Variants in SPTAN1 observed in about 807,000 individuals in gnomAD.
SPTAN1 encodes the protein spectrin alpha chain, non-erythrocytic 1.
In SPTAN1, 61 loss-of-function variants were observed where a neutral mutation model predicts 331.3. The observed-to-expected ratio is 0.18, with a 90% CI of 0.15 to 0.23. SPTAN1 has a LOEUF of 0.23. SPTAN1 is among the 10% of genes least tolerant of loss of function. SPTAN1 has a pLI of 1.00. For missense variants in SPTAN1, 2,043 were observed against 3,147.9 expected (o/e 0.65, Z 8.40); for synonymous variants, 1,153 against 1,173.9 (o/e 0.98, Z 0.36).
At chr9:128,588,152 C>T (rs531469849) in intron 20 of SPTAN1, among the ~76,000 whole-genome samples, 78 of 151,820 alleles carry the variant, frequency 5.1e-4, no homozygotes, top group Non-Finnish European at 9.7e-4. Context: ...CGCCCGCCAC[C>T]ACGCCCAGCT....
In SPTAN1 at chr9:128,625,628, T is replaced by A. The variant is rs537916469; in HGVS notation, c.6070-141T>A. On this transcript the variant is annotated intron_variant, in intron 47 of 56. Transcript: ENST00000372739. The surrounding 1 kb of genome is among the most constrained non-coding windows in gnomAD (Gnocchi z 4.1). Reference sequence around the variant, plus strand: ...CTGAAGGAGAGCAGGAAAGGGGGCATGTGTGACTGAGTCTCAGCAGTGTCC... The same window carrying A: ...CTGAAGGAGAGCAGGAAAGGGGGCAAGTGTGACTGAGTCTCAGCAGTGTCC... 678 of 798,858 alleles carry A rather than the reference T, an allele frequency of 8.5e-4. 9 individuals carry two copies. In the South Asian group the frequency reaches 9.1e-3, roughly 11 times the overall value. The allele number at this position is 798,858 out of a possible 1,614,324, so 49.5% of individuals were successfully genotyped here. A position where few individuals can be genotyped will look rare whatever the true frequency, so the allele number is the denominator to read the frequency against.
At chr9:128,587,811 C>A in intron 20 of SPTAN1, 113 bp downstream of exon 20, 1 of 790,858 alleles carries the variant, frequency 1.3e-6, no homozygotes, top group Non-Finnish European at 2.2e-6. Flanking sequence ...ACTCTTGTGA[C>A]ACAAAGATTT....
In SPTAN1 at chr9:128,629,106, GTTTCT is replaced by G. The variant is rs771987118; in HGVS notation, c.6707+1172_6707+1176del. On this transcript the variant is annotated intron_variant, in intron 51 of 56. Transcript: ENST00000372739. This position sits in a 1 kb window ranked among gnomAD's most constrained non-coding sequence, Gnocchi z 4.9. ...CCCCTCCCTTTGGTGTATTCATTTG[GTTTCT>G]TTTCTTTGAATAGCATAGCATATCG... 23 of 398,688 alleles carry G rather than the reference GTTTCT, an allele frequency of 5.8e-5. No individual in the cohort carries two copies. Among genetic ancestry groups the G allele is most frequent in the Non-Finnish European group, 8.8e-5 (20 of 226,222 alleles). 24.7% of individuals were successfully genotyped at this position (398,688 alleles called of 1,614,324 possible). A position where few individuals can be genotyped will look rare whatever the true frequency, so the allele number is the denominator to read the frequency against.
At chr9:128,633,081 G>T in intron 56 of SPTAN1, 126 bp downstream of exon 56, 1 of 1,592,778 alleles carries the variant, frequency 6.3e-7, no homozygotes, top group South Asian at 1.1e-5. Flanking sequence ...ATCAAACTCA[G>T]TATGGACAGA....
intron 1 of SPTAN1, among the ~76,000 whole-genome samples, chr9:128,563,945 C>T (rs1029592633): frequency 2.0e-5 from 3 of 151,956 alleles, no homozygotes; most frequent in Non-Finnish European, 4.4e-5. Flanking sequence ...GCCTATTCAA[C>T]CAACATTTCT....
chr9:128,628,769 G>C, intron 51 of SPTAN1: 1 of 206,532 alleles, frequency 4.8e-6, no homozygotes, highest in Non-Finnish European at 9.6e-6. Context: ...CACACATTCT[G>C]ATGGCAGAGC....
chr9:128,610,484 T>A (rs1304786333), intron 37 of SPTAN1, among the ~76,000 whole-genome samples: 1 of 152,066 alleles, frequency 6.6e-6, no homozygotes, highest in East Asian at 1.9e-4. Context: ...GCCAGATGGC[T>A]CCATCCTTTG....
intron 56 of SPTAN1, 29 bp downstream of exon 56, chr9:128,632,984 G>A: frequency 6.2e-7 from 1 of 1,607,990 alleles, no homozygotes; most frequent in Non-Finnish European, 8.5e-7. Context: ...GGGTGAAGAG[G>A]TGTCCTTTGG....
intron 24 of SPTAN1, 101 bp from the exon 25 acceptor site, chr9:128,598,299 T>G: frequency 1.1e-6 from 1 of 879,760 alleles, no homozygotes; most frequent in Non-Finnish European, 1.8e-6. Context: ...TAGGCCTCTG[T>G]AGAAGAATCC....
intron 1 of SPTAN1, among the ~76,000 whole-genome samples, chr9:128,553,657 T>TA (rs1193528620): frequency 2.0e-5 from 3 of 152,240 alleles, no homozygotes; most frequent in Non-Finnish European, 4.4e-5. Context: ...ATGAAAAGCC[T>TA]AAATAGCTCA....
At chr9:128,570,535 A>C (rs192312974) in intron 3 of SPTAN1, among the ~76,000 whole-genome samples, 2 of 151,352 alleles carry the variant, frequency 1.3e-5, no homozygotes, top group Non-Finnish European at 2.9e-5. Flanking sequence ...ATGGGGTTTC[A>C]TCATGTTGAC....
chr9:128,603,902 C>T lies in SPTAN1; in HGVS notation c.3627+312C>T, dbSNP rs114198206. Reference sequence around the variant, plus strand: ...AGCGGCTTCCTTGCCGCCTGCAGTGCGAGGTCCTGTGGCGTGTCGGCTCTT... The same window carrying T: ...AGCGGCTTCCTTGCCGCCTGCAGTGTGAGGTCCTGTGGCGTGTCGGCTCTT... On this transcript the variant is annotated intron_variant, in intron 28 of 56. Coordinates refer to ENST00000372739, the MANE Select transcript of SPTAN1 (RefSeq NM_001130438.3). Among the ~76,000 whole-genome samples, 3,346 of 152,334 alleles carry T rather than the reference C, an allele frequency of 0.022. 106 individuals carry two copies. Among genetic ancestry groups the T allele is most frequent in the African/African-American group, 0.077 (3,184 of 41,558 alleles).
chr9:128,584,917 C>T (rs960935611), intron 18 of SPTAN1, 74 bp downstream of exon 18: 95 of 1,590,012 alleles, frequency 6.0e-5, no homozygotes, highest in Admixed American at 2.9e-4. Context: ...GGCATGGCCA[C>T]GTGGGCATCA....
intron 48 of SPTAN1, chr9:128,626,180 C>T (rs1393073840): frequency 2.3e-6 from 2 of 881,276 alleles, no homozygotes; most frequent in Non-Finnish European, 3.5e-6. Flanking sequence ...GCACGCAGGA[C>T]AGACTAGAGA....
chr9:128,621,306 G>A (rs369543961), intron 45 of SPTAN1, 50 bp downstream of exon 45: 75 of 1,528,636 alleles, frequency 4.9e-5, no homozygotes, highest in Non-Finnish European at 6.0e-5. Flanking sequence ...GGACACCCAC[G>A]TGTTGGTACC....
intron 21 of SPTAN1, among the ~76,000 whole-genome samples, 186 bp from the exon 22 acceptor site, chr9:128,591,291 C>T (rs1853478496): frequency 6.6e-6 from 1 of 152,048 alleles, no homozygotes; most frequent in Non-Finnish European, 1.5e-5. Context: ...TGGTCTCCAT[C>T]TCCTGACCTC....
Position 128,591,498 on chromosome 9 carries a change from A to C in SPTAN1, c.3028A>C (p.Asn1010His). 1 of 1,614,116 alleles carries C rather than the reference A, an allele frequency of 6.2e-7. No individual in the cohort carries two copies. Among genetic ancestry groups the C allele is most frequent in the Non-Finnish European group, 8.5e-7 (1 of 1,180,026 alleles). Residue 1010 changes from asparagine (N) to histidine (H), a missense_variant, in exon 22 of 57, where the codon AAC becomes CAC. Asn to His is a moderately conservative substitution (Grantham distance 68, BLOSUM62 1). Coordinates refer to ENST00000372739, the MANE Select transcript of SPTAN1 (RefSeq NM_001130438.3). ...TTAGGATTGGTGGAAAGTGGAAGTG[A>C]ACGATCGTCAGGGTTTTGTGCCGGC... is the stretch of plus-strand genomic sequence containing the variant. Reference protein sequence around the residue: ...TNKDWWKVEVNDRQGFVPAAY... With the variant: ...TNKDWWKVEVHDRQGFVPAAY...
chr9:128,577,655 T>TACACATGATACAG lies in SPTAN1; in HGVS notation c.1085+149_1085+150insACACATGATACAG. 5.5e-6 allele frequency: 6 copies of TACACATGATACAG among 1,093,718 alleles called. No homozygotes were observed. Among genetic ancestry groups the TACACATGATACAG allele is most frequent in the Non-Finnish European group, 6.8e-6 (5 of 733,780 alleles). The allele number at this position is 1,093,718 out of a possible 1,614,324, so 67.8% of individuals were successfully genotyped here. A position where few individuals can be genotyped will look rare whatever the true frequency, so the allele number is the denominator to read the frequency against. On this transcript the variant is annotated intron_variant, in intron 8 of 56. Coordinates refer to ENST00000372739, the MANE Select transcript of SPTAN1 (RefSeq NM_001130438.3). The surrounding 1 kb of genome is among the most constrained non-coding windows in gnomAD (Gnocchi z 4.2). ...TCACTTCTTACCTATGTTCTCTCTG[T>TACACATGATACAG]TTGGAGACTGGCAACTGTATCATGT...
chr9:128,559,254 T>G (rs1195727448), intron 1 of SPTAN1, among the ~76,000 whole-genome samples: 1 of 152,108 alleles, frequency 6.6e-6, no homozygotes, highest in Admixed American at 6.5e-5. Context: ...AGAGGGCCTT[T>G]TAGGTTGGTT....
Sources: gnomAD v4.1 joint callset for allele counts (sites outside exome capture counted in the v4.1 genomes callset) on GRCh38, gnomAD v4.1.1 for gene constraint, Gnocchi (gnomAD v3.1) non-coding constraint, MANE v1.5 for transcripts, NCBI Gene and HGNC (gene_info 2026-07-23, HGNC 2026-07-21) for gene names.